ZNF804A: variants seen among roughly 807,000 people sequenced by gnomAD.
ZNF804A encodes the protein zinc finger protein 804A.
Under a neutral mutation model 16.5 loss-of-function variants are expected in ZNF804A, and 2 were observed. The ratio of observed to expected loss-of-function variants is 0.12; its 90% CI spans 0.05 to 0.38. The LOEUF (loss-of-function observed/expected upper bound fraction) is 0.38, where lower values mean the gene tolerates loss of function less well. Among genes scored for constraint, ZNF804A ranks in the 10% least tolerant of loss-of-function variants. The pLI is 0.99. For missense variants in ZNF804A, 1,473 were observed against 1,390.7 expected (o/e 1.06, Z -0.94); for synonymous variants, 534 against 489.6 (o/e 1.09, Z -1.20).
At chr2:184,848,185 A>C (rs1389295630) in intron 1 of ZNF804A, among the ~76,000 whole-genome samples, 1 of 152,076 alleles carries the variant, frequency 6.6e-6, no homozygotes, top group Non-Finnish European at 1.5e-5. Context: ...GAAGCTATTC[A>C]GGAGCACCCA....
intron 1 of ZNF804A, among the ~76,000 whole-genome samples, chr2:184,724,742 A>G (rs2105744315): frequency 6.6e-6 from 1 of 151,864 alleles, no homozygotes; most frequent in East Asian, 1.9e-4. Flanking sequence ...TAAGTGAATT[A>G]CAAGGCAATT....
chr2:184,845,611 AC>A (rs1202547737), intron 1 of ZNF804A, among the ~76,000 whole-genome samples: 1 of 151,988 alleles, frequency 6.6e-6, no homozygotes, highest in Non-Finnish European at 1.5e-5. Context: ...GCTATGGAAA[AC>A]CTTTACCTCT....
At chr2:184,931,141 G>A (rs528924893) in intron 2 of ZNF804A, among the ~76,000 whole-genome samples, 1 of 152,318 alleles carries the variant, frequency 6.6e-6, no homozygotes, top group African/African-American at 2.4e-5. Flanking sequence ...ACGAGCTGGT[G>A]TTGAGTGTCT....
At chr2:184,914,177 A>T (rs1685410688) in intron 2 of ZNF804A, among the ~76,000 whole-genome samples, 1 of 152,138 alleles carries the variant, frequency 6.6e-6, no homozygotes, top group African/African-American at 2.4e-5. Flanking sequence ...TTTTTGAATG[A>T]TTATTCAACA....
intron 1 of ZNF804A, among the ~76,000 whole-genome samples, chr2:184,776,478 C>G (rs1342953462): frequency 6.7e-6 from 1 of 150,310 alleles, no homozygotes; most frequent in Non-Finnish European, 1.5e-5. Flanking sequence ...TTATATAAAC[C>G]TCATTTTTTT....
intron 2 of ZNF804A, among the ~76,000 whole-genome samples, chr2:184,871,014 AG>A (rs1695965879): frequency 6.6e-6 from 1 of 151,508 alleles, no homozygotes; most frequent in Non-Finnish European, 1.5e-5. Flanking sequence ...ACATGATTTA[AG>A]AGCAAATAAC....
chr2:184,801,094 A>G (rs1422815833), intron 1 of ZNF804A, among the ~76,000 whole-genome samples: 1 of 152,090 alleles, frequency 6.6e-6, no homozygotes, highest in Non-Finnish European at 1.5e-5. Context: ...CCTGACGTAG[A>G]ACTCTAGGAT....
In ZNF804A at chr2:184,938,434, G is replaced by C. The variant is rs200596180; in HGVS notation, c.3038G>C (p.Ser1013Thr). 20 of 1,614,070 alleles carry C rather than the reference G, an allele frequency of 1.2e-5. No homozygotes were observed. Among genetic ancestry groups the C allele is most frequent in the Non-Finnish European group, 1.7e-5 (20 of 1,180,022 alleles). The change falls in exon 4 of 4, where the codon AGT becomes ACT. Residue 1013 changes from serine to threonine, a missense_variant. Transcript: ENST00000302277. The stretch of plus-strand genomic sequence containing the variant: ...TTACCATTCAAAGAAGCACATGTCA[G>C]TGGTCATACTTTTGTAACAGCTGAG... ...PPLPFKEAHV[S>T]GHTFVTAEQI... is the part of the protein sequence containing the mutation.
At chr2:184,903,452 A>G (rs1401692198) in intron 2 of ZNF804A, among the ~76,000 whole-genome samples, 2 of 152,152 alleles carry the variant, frequency 1.3e-5, no homozygotes, top group East Asian at 3.9e-4. Flanking sequence ...GCCTAGGAGC[A>G]ATAGGCTATA....
chr2:184,773,992 G>A (rs1694253743), intron 1 of ZNF804A, among the ~76,000 whole-genome samples: 1 of 151,764 alleles, frequency 6.6e-6, no homozygotes, highest in Non-Finnish European at 1.5e-5. Flanking sequence ...TTTGAATCGA[G>A]AGCTGTGTCA....
At chr2:184,701,421 G>C (rs1219510441) in intron 1 of ZNF804A, among the ~76,000 whole-genome samples, 1 of 151,862 alleles carries the variant, frequency 6.6e-6, no homozygotes, top group Non-Finnish European at 1.5e-5. Context: ...AAAATAATTT[G>C]AATATATACC....
chr2:184,908,655 A>T (rs1685314028), intron 2 of ZNF804A, among the ~76,000 whole-genome samples: 2 of 152,128 alleles, frequency 1.3e-5, no homozygotes, highest in South Asian at 4.1e-4. Context: ...GCTCTTCATC[A>T]AAGCCACTAA....
intron 2 of ZNF804A, among the ~76,000 whole-genome samples, chr2:184,903,729 A>C (rs150507225): frequency 6.4e-4 from 98 of 152,252 alleles, no homozygotes; most frequent in Non-Finnish European, 2.9e-4. Context: ...GGTATGATTG[A>C]CATATGAAAA....
At chr2:184,607,463 T>G (rs1691168335) in intron 1 of ZNF804A, among the ~76,000 whole-genome samples, 1 of 152,064 alleles carries the variant, frequency 6.6e-6, no homozygotes, top group Non-Finnish European at 1.5e-5. Flanking sequence ...AAGGCCCTTA[T>G]AAAAGGCCTT....
rs566005499 is a variant in ZNF804A, at chr2:184,802,525, C to A, written c.112-63844C>A. Reference sequence around the variant, plus strand: ...AACACAACTAATTTATCAAAATTACCATTTAACTGTTCATAACAGTTTATG... The same window carrying A: ...AACACAACTAATTTATCAAAATTACAATTTAACTGTTCATAACAGTTTATG... On this transcript the variant is annotated intron_variant, in intron 1 of 3. Coordinates refer to ENST00000302277, the MANE Select transcript of ZNF804A (RefSeq NM_194250.2). Among the ~76,000 whole-genome samples the A allele has an allele frequency of 5.3e-5, 8 of 152,202 alleles. No homozygotes were observed. The South Asian group carries it at 1.7e-3, about 32-fold the overall frequency.
chr2:184,878,457 C>G (rs532083638), intron 2 of ZNF804A, among the ~76,000 whole-genome samples: 1 of 152,116 alleles, frequency 6.6e-6, no homozygotes, highest in African/African-American at 2.4e-5. Context: ...TTAGAGGAAT[C>G]AGGTATTTTA....
Position 184,845,944 on chromosome 2 carries a change from T to C in ZNF804A, c.112-20425T>C, listed in dbSNP as rs536243082. 2.8e-4 allele frequency among the ~76,000 whole-genome samples: 42 copies of C among 152,222 alleles called. No individual in the cohort carries two copies. The South Asian group carries it at 4.4e-3, about 16-fold the overall frequency. Reference sequence around the variant, plus strand: ...TCTGCTCCAGATGAACAGTTCTTAGTTTCTGTATCTCTCTGAATGTGATTG... The same window carrying C: ...TCTGCTCCAGATGAACAGTTCTTAGCTTCTGTATCTCTCTGAATGTGATTG... On this transcript the variant is annotated intron_variant, in intron 1 of 3. Transcript: ENST00000302277.
intron 1 of ZNF804A, among the ~76,000 whole-genome samples, chr2:184,645,731 A>G (rs934584999): frequency 6.6e-6 from 1 of 152,206 alleles, no homozygotes; most frequent in Non-Finnish European, 1.5e-5. Flanking sequence ...CCTCTTGGAA[A>G]TAGCAAGATA....
chr2:184,851,030 TTTTTTACACA>T (rs1695593966), intron 1 of ZNF804A, among the ~76,000 whole-genome samples: 1 of 151,824 alleles, frequency 6.6e-6, no homozygotes. Flanking sequence ...TTCTGTTTGC[TTTTTTACACA>T]TTTTCTTTTA....
Sources: gnomAD v4.1 joint callset for allele counts (sites outside exome capture counted in the v4.1 genomes callset) on GRCh38, gnomAD v4.1.1 for gene constraint, MANE v1.5 for transcripts, NCBI Gene and HGNC (gene_info 2026-07-23, HGNC 2026-07-21) for gene names.